PKIB: variants seen among roughly 807,000 people sequenced by gnomAD.
PKIB encodes the protein cAMP-dependent protein kinase inhibitor beta.
Under a neutral mutation model 4.5 loss-of-function variants are expected in PKIB, and 2 were observed. The ratio of observed to expected loss-of-function variants is 0.44; its 90% CI spans 0.18 to 1.39. The LOEUF (loss-of-function observed/expected upper bound fraction) is 1.39. PKIB is among the 40% of genes most tolerant of loss of function. PKIB has a pLI of 0.27. For missense variants in PKIB, 94 were observed against 92.6 expected (o/e 1.02, Z -0.06); for synonymous variants, 38 against 36.0 (o/e 1.06, Z -0.20).
At chr6:122,476,142 C>A (rs898503748) in intron 1 of PKIB, among the ~76,000 whole-genome samples, 1 of 152,086 alleles carries the variant, frequency 6.6e-6, no homozygotes, top group Admixed American at 6.6e-5. Flanking sequence ...TTGGCCCCCC[C>A]ACAGTAGTTA....
intron 2 of PKIB, among the ~76,000 whole-genome samples, chr6:122,515,218 C>T (rs992936410): frequency 1.1e-4 from 17 of 152,002 alleles, no homozygotes; most frequent in African/African-American, 3.6e-4. Flanking sequence ...GGATTTGAAC[C>T]GTTTATTCCA....
intron 2 of PKIB, among the ~76,000 whole-genome samples, chr6:122,650,037 C>T (rs1369322945): frequency 2.0e-5 from 3 of 152,046 alleles, no homozygotes; most frequent in East Asian, 1.9e-4. Flanking sequence ...TTGGGTCACT[C>T]GATAAATTGG....
intron 3 of PKIB, among the ~76,000 whole-genome samples, chr6:122,681,156 AT>A (rs924266195): frequency 0.021 from 3,219 of 150,292 alleles, 105 homozygotes; most frequent in African/African-American, 0.076. Context: ...AAACCTTGTA[AT>A]TTTTTTTTTA....
chr6:122,570,726 A>G (rs2114690851), intron 2 of PKIB, among the ~76,000 whole-genome samples: 1 of 152,308 alleles, frequency 6.6e-6, no homozygotes, highest in Non-Finnish European at 1.5e-5. Flanking sequence ...CTAAGAGGGA[A>G]AAAAAGAAAT....
At chr6:122,487,858 C>T (rs1016459353) in intron 2 of PKIB, among the ~76,000 whole-genome samples, 9 of 152,080 alleles carry the variant, frequency 5.9e-5, no homozygotes, top group African/African-American at 1.9e-4. Flanking sequence ...ATGAGAGAAG[C>T]GATGCTGTGT....
At chr6:122,533,868 C>T (rs1777329541) in intron 2 of PKIB, among the ~76,000 whole-genome samples, 1 of 151,988 alleles carries the variant, frequency 6.6e-6, no homozygotes, top group South Asian at 2.1e-4. Flanking sequence ...GTCCTCAGAT[C>T]TTCTAGTGCT....
chr6:122,570,760 A>C (rs1361370367), intron 2 of PKIB, among the ~76,000 whole-genome samples: 1 of 152,158 alleles, frequency 6.6e-6, no homozygotes, highest in Non-Finnish European at 1.5e-5. Flanking sequence ...CAGTCAAATA[A>C]AAATAAATTC....
chr6:122,699,246 A>G (rs897390579), intron 3 of PKIB, among the ~76,000 whole-genome samples: 1 of 118,476 alleles, frequency 8.4e-6, no homozygotes, highest in Non-Finnish European at 1.8e-5. Flanking sequence ...AACTTAAAGT[A>G]TAATAATAAA....
chr6:122,689,069 C>A (rs1778219322), intron 3 of PKIB, among the ~76,000 whole-genome samples: 1 of 152,254 alleles, frequency 6.6e-6, no homozygotes. Flanking sequence ...GCGTGAGCCA[C>A]CACACCTGGC....
At chr6:122,637,164 T>A (rs1775947001) in intron 2 of PKIB, among the ~76,000 whole-genome samples, 1 of 152,202 alleles carries the variant, frequency 6.6e-6, no homozygotes, top group African/African-American at 2.4e-5. Context: ...AAAATCATAA[T>A]TGGAGATTGA....
At chr6:122,496,354 G>A (rs1776076181) in intron 2 of PKIB, among the ~76,000 whole-genome samples, 3 of 152,172 alleles carry the variant, frequency 2.0e-5, no homozygotes, top group South Asian at 4.2e-4. Context: ...CACCACCAAA[G>A]GATCATTCTT....
chr6:122,658,643 T>G (rs1377206068), intron 2 of PKIB, among the ~76,000 whole-genome samples: 1 of 151,764 alleles, frequency 6.6e-6, no homozygotes, highest in Non-Finnish European at 1.5e-5. Flanking sequence ...TCCTTATTAG[T>G]GGGGACCCTC....
intron 2 of PKIB, among the ~76,000 whole-genome samples, chr6:122,570,834 T>G (rs1301731396): frequency 6.6e-6 from 1 of 151,948 alleles, no homozygotes; most frequent in South Asian, 2.1e-4. Context: ...TCTGGTAATA[T>G]GACAAAAGAG....
At chr6:122,672,535 T>G (rs926918107) in intron 2 of PKIB, among the ~76,000 whole-genome samples, 1 of 152,158 alleles carries the variant, frequency 6.6e-6, no homozygotes, top group Non-Finnish European at 1.5e-5. Context: ...TTAGCTTCCA[T>G]GTATATCACC....
chr6:122,688,448 A>G (rs1778180748), intron 3 of PKIB, among the ~76,000 whole-genome samples: 1 of 152,088 alleles, frequency 6.6e-6, no homozygotes, highest in African/African-American at 2.4e-5. Context: ...TTTTGGAATC[A>G]GGGTAATATT....
chr6:122,642,219 C>A (rs1468835762), intron 2 of PKIB, among the ~76,000 whole-genome samples: 1 of 152,168 alleles, frequency 6.6e-6, no homozygotes, highest in Admixed American at 6.5e-5. Context: ...TCATTCTTTT[C>A]TTAAATAAAC....
At chr6:122,513,789 T>C (rs187346347) in intron 2 of PKIB, among the ~76,000 whole-genome samples, 2 of 152,348 alleles carry the variant, frequency 1.3e-5, no homozygotes, top group East Asian at 3.9e-4. Flanking sequence ...TGTATCTATG[T>C]TGCTGCAAAG....
chr6:122,644,564 G>A (rs1776239278), intron 2 of PKIB: 1 of 152,078 alleles, frequency 6.6e-6, no homozygotes, highest in Non-Finnish European at 1.5e-5. Flanking sequence ...CTCCCCCAGC[G>A]TTCTTAAGAA....
At chr6:122,638,387 AAAGAGT>A (rs1776006876) in intron 2 of PKIB, among the ~76,000 whole-genome samples, 1 of 152,220 alleles carries the variant, frequency 6.6e-6, no homozygotes, top group South Asian at 2.1e-4. Flanking sequence ...ATCTCATGGG[AAAGAGT>A]AACCAGTGTA....
Sources: gnomAD v4.1 joint callset for allele counts (sites outside exome capture counted in the v4.1 genomes callset) on GRCh38, gnomAD v4.1.1 for gene constraint, MANE v1.5 for transcripts, NCBI Gene and HGNC (gene_info 2026-07-23, HGNC 2026-07-21) for gene names.